NKAIN3: variants seen among roughly 807,000 people sequenced by gnomAD.
The protein encoded by NKAIN3 is sodium/potassium transporting ATPase interacting 3, also known as sodium/potassium-transporting ATPase subunit beta-1-interacting protein 3.
A neutral mutation model predicts 30.2 loss-of-function variants in NKAIN3; 25 were observed. That is an observed-to-expected ratio of 0.83 (90% CI 0.60 to 1.16). The LOEUF is 1.16. Ranked by LOEUF, NKAIN3 falls within the 50% of genes most tolerant of loss-of-function variation. The pLI is 0.00. For synonymous variants in NKAIN3, 91 were observed against 89.6 expected, an observed-to-expected ratio of 1.02 and a Z score of -0.09; for missense variants, 225 against 254.1, an observed-to-expected ratio of 0.89 and a Z score of 0.78.
At chr8:62,406,025 C>A (rs189442581) in intron 1 of NKAIN3, among the ~76,000 whole-genome samples, 52 of 152,238 alleles carry the variant, frequency 3.4e-4, no homozygotes, top group African/African-American at 1.1e-3. Flanking sequence ...AATATAAGTT[C>A]TTTGATCAAT....
chr8:62,373,968 C>G (rs572833386), intron 1 of NKAIN3, among the ~76,000 whole-genome samples: 1 of 151,728 alleles, frequency 6.6e-6, no homozygotes, highest in Non-Finnish European at 1.5e-5. Context: ...AAAAAATTAG[C>G]CAGGCGTGGT....
At position 62,283,575 on chromosome 8, in the gene NKAIN3, G is replaced by A. The variant is rs952707753; in HGVS notation, c.54+34448G>A. Among the ~76,000 whole-genome samples, 28 of 152,032 alleles carry A rather than the reference G, an allele frequency of 1.8e-4. No individual in the cohort carries two copies. In the East Asian group the frequency reaches 5.0e-3, roughly 27 times the overall value. Reference sequence around the variant, plus strand: ...TCATTATATTTTCTAACTAATTATTGAAGTTATATACCATATTTTTTCTAA... The same window carrying A: ...TCATTATATTTTCTAACTAATTATTAAAGTTATATACCATATTTTTTCTAA... On this transcript the variant is annotated intron_variant, in intron 1 of 6. Transcript: ENST00000623646.
chr8:62,916,858 A>T (rs537699717), intron 4 of NKAIN3, among the ~76,000 whole-genome samples: 1 of 152,248 alleles, frequency 6.6e-6, no homozygotes, highest in Admixed American at 6.5e-5. Flanking sequence ...GTAATCTGGC[A>T]GGGATACTCT....
At chr8:62,278,212 G>A (rs1274886883) in intron 1 of NKAIN3, among the ~76,000 whole-genome samples, 1 of 152,060 alleles carries the variant, frequency 6.6e-6, no homozygotes, top group East Asian at 1.9e-4. Context: ...AGACTGAAGA[G>A]GCCTCCCTGA....
intron 1 of NKAIN3, among the ~76,000 whole-genome samples, chr8:62,395,605 G>A (rs11995218): frequency 0.56 from 84,768 of 152,048 alleles, 26,325 homozygotes; most frequent in Non-Finnish European, 0.68. Flanking sequence ...ATTCTGGAAC[G>A]TTGTTTTCAA....
At chr8:62,448,051 AT>A (rs1454081125) in intron 1 of NKAIN3, among the ~76,000 whole-genome samples, 1 of 151,982 alleles carries the variant, frequency 6.6e-6, no homozygotes, top group Non-Finnish European at 1.5e-5. Flanking sequence ...GCTAGGTTGG[AT>A]TTAAGTAGCC....
chr8:62,324,844 T>C (rs1485208829), intron 1 of NKAIN3, among the ~76,000 whole-genome samples: 2 of 152,104 alleles, frequency 1.3e-5, no homozygotes, highest in African/African-American at 4.8e-5. Flanking sequence ...AAATAGCAAA[T>C]TGGCTATTCT....
At chr8:62,853,260 G>A (rs1324195077) in intron 4 of NKAIN3, among the ~76,000 whole-genome samples, 2 of 152,138 alleles carry the variant, frequency 1.3e-5, no homozygotes, top group Non-Finnish European at 2.9e-5. Flanking sequence ...TGTTTTATCA[G>A]AGAGTAAGAT....
chr8:62,623,291 G>T (rs1179816637), intron 3 of NKAIN3, among the ~76,000 whole-genome samples: 1 of 151,986 alleles, frequency 6.6e-6, no homozygotes, highest in East Asian at 1.9e-4. Context: ...AACAACCTAA[G>T]ATCAGGAAAC....
intron 1 of NKAIN3, among the ~76,000 whole-genome samples, chr8:62,373,866 A>C (rs1209984224): frequency 1.3e-5 from 2 of 152,100 alleles, no homozygotes; most frequent in Non-Finnish European, 2.9e-5. Context: ...TAATCCTAGC[A>C]CTTTGGGTGG....
chr8:62,425,743 G>A (rs1159944146), intron 1 of NKAIN3, among the ~76,000 whole-genome samples: 1 of 151,898 alleles, frequency 6.6e-6, no homozygotes, highest in East Asian at 1.9e-4. Flanking sequence ...TGATGCAGTG[G>A]TTATCTTAGA....
intron 1 of NKAIN3, among the ~76,000 whole-genome samples, chr8:62,440,596 T>C (rs892621214): frequency 6.6e-6 from 1 of 152,200 alleles, no homozygotes; most frequent in East Asian, 1.9e-4. Flanking sequence ...GTGTACATGT[T>C]GATTCTCAAG....
chr8:62,418,068 C>T (rs187775322), intron 1 of NKAIN3, among the ~76,000 whole-genome samples: 1 of 152,268 alleles, frequency 6.6e-6, no homozygotes, highest in African/African-American at 2.4e-5. Context: ...CACCTCTCCC[C>T]AGTTACAGCC....
At chr8:62,285,775 T>G (rs1463195557) in intron 1 of NKAIN3, among the ~76,000 whole-genome samples, 1 of 152,176 alleles carries the variant, frequency 6.6e-6, no homozygotes, top group Non-Finnish European at 1.5e-5. Flanking sequence ...CAAAAATATC[T>G]GAACCAGACA....
intron 1 of NKAIN3, among the ~76,000 whole-genome samples, chr8:62,476,913 T>C (rs541346065): frequency 2.6e-5 from 4 of 152,284 alleles, no homozygotes; most frequent in Non-Finnish European, 5.9e-5. Context: ...ATAAAGTGGC[T>C]TGTGACACCA....
intron 3 of NKAIN3, among the ~76,000 whole-genome samples, chr8:62,691,032 GC>G (rs1813950231): frequency 6.6e-6 from 1 of 152,156 alleles, no homozygotes; most frequent in African/African-American, 2.4e-5. Flanking sequence ...TATAATCCCT[GC>G]CATCTAAAAC....
At chr8:62,897,681 A>G (rs1410284820) in intron 4 of NKAIN3, among the ~76,000 whole-genome samples, 1 of 152,116 alleles carries the variant, frequency 6.6e-6, no homozygotes, top group Non-Finnish European at 1.5e-5. Flanking sequence ...CTCCCAGTGG[A>G]AGGTGTTTGA....
chr8:62,338,691 A>C (rs767982908), intron 1 of NKAIN3, among the ~76,000 whole-genome samples: 1 of 152,042 alleles, frequency 6.6e-6, no homozygotes, highest in Admixed American at 6.6e-5. Flanking sequence ...AAAGAAAGCC[A>C]GTCCGAGTCC....
At chr8:62,618,403 T>C (rs952790868) in intron 3 of NKAIN3, among the ~76,000 whole-genome samples, 1 of 151,640 alleles carries the variant, frequency 6.6e-6, no homozygotes, top group African/African-American at 2.4e-5. Context: ...CAGCAGGGAG[T>C]GAAGGGAGGA....
Sources: allele counts gnomAD v4.1 joint callset (sites outside exome capture counted in the v4.1 genomes callset), GRCh38; gene constraint gnomAD v4.1.1; transcripts MANE v1.5; gene names NCBI Gene and HGNC (gene_info 2026-07-23, HGNC 2026-07-21).